The following DGKB variants were observed in gnomAD, a reference collection of about 807,000 sequenced individuals.
DGKB encodes 90 kDa diacylglycerol kinase.
A neutral mutation model predicts 114.3 loss-of-function variants in DGKB; 67 were observed. The observed-to-expected ratio is 0.59, with a 90% CI of 0.48 to 0.72. The LOEUF (loss-of-function observed/expected upper bound fraction) is 0.72, where lower values mean the gene tolerates loss of function less well. Ranked by LOEUF, DGKB falls within the 30% of genes least tolerant of loss-of-function variation. The pLI, the probability that DGKB is intolerant of heterozygous loss-of-function variation, is 0.00. For missense variants in DGKB, 907 were observed against 975.2 expected (o/e 0.93, Z 0.93); for synonymous variants, 398 against 323.1 (o/e 1.23, Z -2.49).
At chr7:14,418,255 AT>A (rs1480844962) in intron 21 of DGKB, among the ~76,000 whole-genome samples, 1 of 79,350 alleles carries the variant, frequency 1.3e-5, no homozygotes, top group East Asian at 7.0e-4. Context: ...GTGTGTATAT[AT>A]TATATATGTA....
chr7:14,489,438 A>G lies in DGKB; in HGVS notation c.1771-11213T>C, dbSNP rs960830383. 3.9e-5 allele frequency among the ~76,000 whole-genome samples: 6 copies of G among 152,274 alleles called. No individual in the cohort carries two copies. In the East Asian group the frequency reaches 1.2e-3, roughly 29 times the overall value. On this transcript the variant is annotated intron_variant, in intron 20 of 25. Transcript: ENST00000402815. Reference sequence around the variant, plus strand: ...AATAATCAAGATATCTTTCTCAGTTAAGGCACAAAGGTTGTATCCATCAAT... The same window carrying G: ...AATAATCAAGATATCTTTCTCAGTTGAGGCACAAAGGTTGTATCCATCAAT...
Position 14,433,244 on chromosome 7 carries a change from T to G in DGKB, c.1835+44917A>C, listed in dbSNP as rs536657121. 7.7e-4 allele frequency among the ~76,000 whole-genome samples: 118 copies of G among 152,296 alleles called. 1 individual carries two copies. The highest frequency in any genetic ancestry group is 2.7e-3 in the African/African-American group (113 of 41,590). On this transcript the variant is annotated intron_variant, in intron 21 of 25. Transcript: ENST00000402815. ...CCAATTCTAGAGCTCCCCATGAGAT[T>G]AGCTGATGCCTTTTTTTGAGACTTC...
At chr7:14,700,213 T>A (rs201345160) in intron 7 of DGKB, among the ~76,000 whole-genome samples, 1,816 of 45,678 alleles carry the variant, frequency 0.04, 15 homozygotes, top group Non-Finnish European at 0.059. Flanking sequence ...TGAAAAAAAA[T>A]TTTTTTTTTT....
At chr7:14,585,451 T>C (rs1484093076) in intron 17 of DGKB, among the ~76,000 whole-genome samples, 1 of 152,156 alleles carries the variant, frequency 6.6e-6, no homozygotes, top group African/African-American at 2.4e-5. Context: ...CCCACTTACA[T>C]TGGTACTCAG....
intron 23 of DGKB, among the ~76,000 whole-genome samples, chr7:14,197,919 T>C (rs2128283962): frequency 6.6e-6 from 1 of 152,146 alleles, no homozygotes; most frequent in African/African-American, 2.4e-5. Context: ...ACAGTCCTCC[T>C]AAGTAAGGTC....
intron 2 of DGKB, among the ~76,000 whole-genome samples, chr7:14,768,833 C>T (rs1250198829): frequency 2.0e-5 from 3 of 151,882 alleles, no homozygotes; most frequent in Non-Finnish European, 4.4e-5. Flanking sequence ...GAAGGGAAAT[C>T]TATAATCTTG....
chr7:14,732,998 A>T (rs1323382318), intron 5 of DGKB, among the ~76,000 whole-genome samples: 2 of 152,230 alleles, frequency 1.3e-5, no homozygotes, highest in Non-Finnish European at 2.9e-5. Flanking sequence ...ATTGTATCTT[A>T]TAGAATTAAA....
At chr7:14,746,818 AC>A (rs1211099496) in intron 4 of DGKB, among the ~76,000 whole-genome samples, 1 of 152,120 alleles carries the variant, frequency 6.6e-6, no homozygotes. Context: ...TTTTATTGGT[AC>A]AGAAAACTGT....
intron 1 of DGKB, among the ~76,000 whole-genome samples, chr7:14,915,658 G>A (rs527279468): frequency 2.0e-5 from 3 of 152,160 alleles, no homozygotes; most frequent in Non-Finnish European, 2.9e-5. Context: ...AGAAAGTGGA[G>A]ACAAGTATTT....
intron 13 of DGKB, among the ~76,000 whole-genome samples, chr7:14,648,281 C>T (rs1004777624): frequency 2.0e-5 from 3 of 152,150 alleles, no homozygotes; most frequent in African/African-American, 7.2e-5. Flanking sequence ...GTTCTCCCAG[C>T]ATGCAGCTGG....
chr7:14,870,264 T>C (rs1346072320), intron 1 of DGKB, among the ~76,000 whole-genome samples: 2 of 152,182 alleles, frequency 1.3e-5, no homozygotes, highest in African/African-American at 4.8e-5. Flanking sequence ...CTGTTTCTTC[T>C]ACCTTGTAGC....
intron 21 of DGKB, among the ~76,000 whole-genome samples, chr7:14,440,583 T>A (rs192082660): frequency 1.1e-4 from 17 of 152,196 alleles, no homozygotes; most frequent in African/African-American, 4.1e-4. Context: ...AATTCCTTCA[T>A]TGTCACTGCT....
intron 23 of DGKB, among the ~76,000 whole-genome samples, chr7:14,336,976 T>G (rs1810789627): frequency 6.6e-6 from 1 of 152,160 alleles, no homozygotes; most frequent in Admixed American, 6.6e-5. Context: ...ACCTGGAAAT[T>G]ATTTTGTATA....
At position 14,413,337 on chromosome 7, in the gene DGKB, A is replaced by G. The variant is rs191664048; in HGVS notation, c.1835+64824T>C. Among the ~76,000 whole-genome samples, 27 of 152,302 alleles carry G rather than the reference A, an allele frequency of 1.8e-4. No individual in the cohort carries two copies. The East Asian group carries it at 5.2e-3, about 29-fold the overall frequency. On this transcript the variant is annotated intron_variant, in intron 21 of 25. Transcript: ENST00000402815. Reference sequence around the variant, plus strand: ...AACAAAATGGATAGCATTGCCATTCATGGAGATGGGAGATAGGGAACACTA... The same window carrying G: ...AACAAAATGGATAGCATTGCCATTCGTGGAGATGGGAGATAGGGAACACTA...
chr7:14,822,257 CAT>C (rs1452858807), intron 2 of DGKB, among the ~76,000 whole-genome samples: 6 of 152,032 alleles, frequency 3.9e-5, no homozygotes, highest in East Asian at 1.9e-4. Context: ...CATTGTCACA[CAT>C]GTGATATTTA....
chr7:14,157,949 A>G (rs1783280518), intron 25 of DGKB, among the ~76,000 whole-genome samples: 1 of 152,124 alleles, frequency 6.6e-6, no homozygotes, highest in Admixed American at 6.6e-5. Context: ...TTCAACTAAA[A>G]TTTTCTATAT....
intron 5 of DGKB, among the ~76,000 whole-genome samples, chr7:14,729,190 T>C (rs1257077896): frequency 5.5e-5 from 8 of 144,658 alleles, no homozygotes; most frequent in Non-Finnish European, 1.0e-4. Flanking sequence ...TGGCGCCATC[T>C]CGGCTCACTG....
At chr7:14,946,916 A>T (rs1785913277) in intron 1 of DGKB, among the ~76,000 whole-genome samples, 1 of 151,748 alleles carries the variant, frequency 6.6e-6, no homozygotes. Context: ...ACCTGATATA[A>T]ATAATTTTAA....
intron 13 of DGKB, among the ~76,000 whole-genome samples, chr7:14,661,303 C>T (rs1817017677): frequency 6.8e-6 from 1 of 146,746 alleles, no homozygotes; most frequent in Non-Finnish European, 1.5e-5. Flanking sequence ...ACAACCTACT[C>T]ATCTGACAAA....
Sources: allele counts gnomAD v4.1 joint callset (sites outside exome capture counted in the v4.1 genomes callset), GRCh38; gene constraint gnomAD v4.1.1; transcripts MANE v1.5; gene names NCBI Gene and HGNC (gene_info 2026-07-23, HGNC 2026-07-21).